Variants in NR3C2 observed in about 807,000 individuals in gnomAD.
The protein encoded by NR3C2 is nuclear receptor subfamily 3 group C member 2.
NR3C2 carries 15 observed loss-of-function variants against 86.4 expected under a neutral mutation model. The ratio of observed to expected loss-of-function variants is 0.17; its 90% confidence interval spans 0.12 to 0.27. The LOEUF is 0.27. Ranked by LOEUF, NR3C2 falls within the 10% of genes least tolerant of loss-of-function variation. The pLI is 1.00. For missense variants in NR3C2, 960 were observed against 1,195.6 expected (o/e 0.80, Z 2.91); for synonymous variants, 458 against 450.5 (o/e 1.02, Z -0.21).
intron 2 of NR3C2, among the ~76,000 whole-genome samples, chr4:148,313,041 T>C (rs1195022529): frequency 6.6e-6 from 1 of 152,148 alleles, no homozygotes; most frequent in Non-Finnish European, 1.5e-5. Context: ...AAACAGTCCT[T>C]TTAATTACTT....
At chr4:148,317,068 C>T (rs998116553) in intron 2 of NR3C2, among the ~76,000 whole-genome samples, 7 of 152,184 alleles carry the variant, frequency 4.6e-5, no homozygotes, top group African/African-American at 1.7e-4. Flanking sequence ...GCTGGGATTA[C>T]AGGCTTGAGC....
intron 4 of NR3C2, among the ~76,000 whole-genome samples, chr4:148,187,885 T>C (rs1004580785): frequency 2.0e-5 from 3 of 152,140 alleles, no homozygotes; most frequent in Non-Finnish European, 4.4e-5. Flanking sequence ...CCATCTTGAG[T>C]TGATTTTTGT....
chr4:148,118,837 C>T (rs1732384810), intron 7 of NR3C2, among the ~76,000 whole-genome samples: 1 of 152,138 alleles, frequency 6.6e-6, no homozygotes, highest in Non-Finnish European at 1.5e-5. Flanking sequence ...GCTGCCAAGG[C>T]CAACTCTACA....
intron 4 of NR3C2, among the ~76,000 whole-genome samples, chr4:148,190,050 T>C (rs1276462181): frequency 6.6e-6 from 1 of 152,242 alleles, no homozygotes; most frequent in Non-Finnish European, 1.5e-5. Context: ...AGTTCTGCTC[T>C]GATCTTGGTT....
At chr4:148,286,369 T>G (rs1006160982) in intron 2 of NR3C2, among the ~76,000 whole-genome samples, 1 of 152,068 alleles carries the variant, frequency 6.6e-6, no homozygotes, top group African/African-American at 2.4e-5. Context: ...CTGTACAGAA[T>G]TGAAAAAAAA....
intron 2 of NR3C2, among the ~76,000 whole-genome samples, chr4:148,397,870 G>A (rs964133173): frequency 3.7e-4 from 56 of 152,136 alleles, no homozygotes; most frequent in Non-Finnish European, 8.8e-5. Flanking sequence ...CATTTATTTA[G>A]TGGCTTAAGA....
chr4:148,411,739 C>T (rs1301535733), intron 2 of NR3C2, among the ~76,000 whole-genome samples: 1 of 152,224 alleles, frequency 6.6e-6, no homozygotes, highest in Non-Finnish European at 1.5e-5. Context: ...GTGCCATATG[C>T]ATAGACAACC....
intron 4 of NR3C2, among the ~76,000 whole-genome samples, chr4:148,190,723 C>T (rs1322325392): frequency 2.0e-5 from 3 of 152,054 alleles, no homozygotes; most frequent in Non-Finnish European, 4.4e-5. Context: ...TCCACTGTTA[C>T]GTGCATATAT....
At chr4:148,083,944 G>A (rs1471807941) in intron 8 of NR3C2, among the ~76,000 whole-genome samples, 1 of 151,816 alleles carries the variant, frequency 6.6e-6, no homozygotes, top group Admixed American at 6.6e-5. Context: ...TCAACTCAAA[G>A]GAATAAAGCA....
At position 148,217,168 on chromosome 4, in the gene NR3C2, C is replaced by T. The variant is rs190623434; in HGVS notation, c.1898-22306G>A. Among the ~76,000 whole-genome samples the T allele has an allele frequency of 1.5e-4, 23 of 152,302 alleles. No individual in the cohort carries two copies. In the East Asian group the frequency reaches 2.9e-3, roughly 19 times the overall value. On this transcript the variant is annotated intron_variant, in intron 3 of 8. Coordinates refer to ENST00000358102, the MANE Select transcript of NR3C2 (RefSeq NM_000901.5). Reference sequence around the variant, plus strand: ...ATTTGCATGACTGCAATGGGTTCCCCGTGGTCAGAGTTCCCCGCTACAGCT... The same window carrying T: ...ATTTGCATGACTGCAATGGGTTCCCTGTGGTCAGAGTTCCCCGCTACAGCT...
At chr4:148,224,205 G>C (rs956112018) in intron 3 of NR3C2, among the ~76,000 whole-genome samples, 1 of 151,788 alleles carries the variant, frequency 6.6e-6, no homozygotes, top group Non-Finnish European at 1.5e-5. Context: ...ATCTCAGGAA[G>C]AAGCAGGTTA....
chr4:148,228,479 A>G (rs999233921), intron 3 of NR3C2, among the ~76,000 whole-genome samples: 4 of 152,176 alleles, frequency 2.6e-5, no homozygotes, highest in Non-Finnish European at 4.4e-5. Flanking sequence ...CAAAGCTGCA[A>G]TGATTTTTTT....
intron 3 of NR3C2, among the ~76,000 whole-genome samples, chr4:148,209,334 C>T (rs1167142408): frequency 2.0e-5 from 3 of 152,080 alleles, no homozygotes; most frequent in African/African-American, 4.8e-5. Flanking sequence ...GGTGCAATCA[C>T]GGGTGGGCTA....
At chr4:148,243,745 A>G (rs1739176904) in intron 3 of NR3C2, among the ~76,000 whole-genome samples, 1 of 152,200 alleles carries the variant, frequency 6.6e-6, no homozygotes, top group African/African-American at 2.4e-5. Flanking sequence ...ACATTCATAG[A>G]TTAAAAACGT....
chr4:148,251,707 T>C (rs1395368957), intron 3 of NR3C2, among the ~76,000 whole-genome samples: 1 of 152,176 alleles, frequency 6.6e-6, no homozygotes, highest in East Asian at 1.9e-4. Context: ...AAGAGGTACT[T>C]CAGGATAGTA....
At chr4:148,146,211 A>G (rs1231192845) in intron 6 of NR3C2, among the ~76,000 whole-genome samples, 2 of 152,110 alleles carry the variant, frequency 1.3e-5, no homozygotes, top group African/African-American at 2.4e-5. Flanking sequence ...CGCTGGCCCT[A>G]ACCCTGATGG....
At chr4:148,232,397 T>C (rs1738512529) in intron 3 of NR3C2, among the ~76,000 whole-genome samples, 1 of 152,224 alleles carries the variant, frequency 6.6e-6, no homozygotes, top group Non-Finnish European at 1.5e-5. Context: ...ACTAGGTGCG[T>C]TGTCAGCATG....
chr4:148,209,589 G>A (rs1404640712), intron 3 of NR3C2, among the ~76,000 whole-genome samples: 2 of 152,050 alleles, frequency 1.3e-5, no homozygotes, highest in Non-Finnish European at 2.9e-5. Context: ...TGAGACACTC[G>A]GCCTGGCCTA....
intron 2 of NR3C2, among the ~76,000 whole-genome samples, chr4:148,276,807 T>C (rs1295469089): frequency 6.6e-6 from 1 of 152,212 alleles, no homozygotes; most frequent in Non-Finnish European, 1.5e-5. Flanking sequence ...AGACAATGGT[T>C]TTATTATTTT....
Sources: allele counts gnomAD v4.1 joint callset (sites outside exome capture counted in the v4.1 genomes callset), GRCh38; gene constraint gnomAD v4.1.1; transcripts MANE v1.5; gene names NCBI Gene and HGNC (gene_info 2026-07-23, HGNC 2026-07-21).